The following MYH11 variants were observed in gnomAD, a reference collection of about 807,000 sequenced individuals.
The protein encoded by MYH11 is myosin heavy chain 11.
Under a neutral mutation model 246.6 loss-of-function variants are expected in MYH11, and 80 were observed. That is an observed-to-expected ratio of 0.32 (90% CI 0.27 to 0.39). The LOEUF (loss-of-function observed/expected upper bound fraction) is 0.39, where lower values mean the gene tolerates loss of function less well. Ranked by LOEUF, MYH11 falls within the 10% of genes least tolerant of loss-of-function variation. The pLI is 1.00. For synonymous variants in MYH11, 1,071 were observed against 1,015.5 expected, an observed-to-expected ratio of 1.05 and a Z score of -1.04; for missense variants, 2,158 against 2,546.8, an observed-to-expected ratio of 0.85 and a Z score of 3.29.
intron 6 of MYH11, chr16:15,779,295 T>TCTGGGATATGGTC: frequency 3.9e-6 from 1 of 255,544 alleles, no homozygotes; most frequent in Non-Finnish European, 7.6e-6. Flanking sequence ...TGCACCACCA[T>TCTGGGATATGGTC]ATCTGGCTAA....
rs1224542019 is a variant in MYH11, at chr16:15,740,174, C to T, written c.2874G>A (p.Gln958=). Residue 958 remains glutamine (Q), a synonymous_variant, in exon 23 of 41, where the codon CAG becomes CAA. Coordinates refer to ENST00000300036, the MANE Select transcript of MYH11 (RefSeq NM_002474.3). ...MAQQMLDLEE[Q]LEEEEAARQK... is the part of the protein sequence containing the mutation. ...GCCTGGCAGCTTCCTCCTCCTCCAG[C>T]TGTTCTTCAAGGTCCTTTGTTGTGG... The T allele has an allele frequency of 6.2e-7, 1 of 1,614,202 alleles. No individual in the cohort carries two copies. Among genetic ancestry groups the T allele is most frequent in the East Asian group, 2.2e-5 (1 of 44,892 alleles).
rs746080956 is a variant in MYH11 at position 15,798,714 on chromosome 16, C to T, written c.503-27G>A. Reference sequence around the variant, plus strand: ...TGCAAACAGAAAGAAGAAAAAAGAGCCATGAATTAAAATGAGCTCTGAGCT... The same window carrying T: ...TGCAAACAGAAAGAAGAAAAAAGAGTCATGAATTAAAATGAGCTCTGAGCT... On this transcript the variant is annotated intron_variant, in intron 3 of 40. Coordinates refer to ENST00000300036, the MANE Select transcript of MYH11 (RefSeq NM_002474.3). The T allele has an allele frequency of 2.2e-4, 358 of 1,612,682 alleles. 2 individuals carry two copies. In the East Asian group the frequency reaches 7.9e-3, roughly 36 times the overall value.
chr16:15,808,496 CG>C (rs1567190385), intron 3 of MYH11, among the ~76,000 whole-genome samples: 1 of 152,170 alleles, frequency 6.6e-6, no homozygotes, highest in African/African-American at 2.4e-5. Context: ...TCTACTCTCC[CG>C]GCAGAGTTGG....
At chr16:15,727,596 C>T (rs2040832904) in intron 27 of MYH11, among the ~76,000 whole-genome samples, 1 of 152,300 alleles carries the variant, frequency 6.6e-6, no homozygotes. Flanking sequence ...TTGACCCTTT[C>T]ACTACTTTTA....
At chr16:15,740,241 C>A (rs1055510694) in intron 22 of MYH11, 53 bp from the exon 23 acceptor site, 6 of 1,612,286 alleles carry the variant, frequency 3.7e-6, no homozygotes, top group Non-Finnish European at 5.1e-6. Flanking sequence ...GATTTACTCT[C>A]GTGGTGATCT....
rs746290925 is a variant in MYH11, at chr16:15,719,648, G to A, written c.5019C>T (p.Ala1673=). The A allele has an allele frequency of 2.5e-6, 4 of 1,614,150 alleles. No individual in the cohort carries two copies. Among genetic ancestry groups the A allele is most frequent in the East Asian group, 2.2e-5 (1 of 44,876 alleles). ...CTTTCTTCTCATTCTCTTTGGCTGTGGCAAAGATCTCATCTCTGGAGGCAC... is the reference window on the plus strand; with the variant it reads ...CTTTCTTCTCATTCTCTTTGGCTGTAGCAAAGATCTCATCTCTGGAGGCAC... The part of the protein sequence containing the change: ...DARASRDEIF[A]TAKENEKKAK... Residue 1673 remains alanine, a synonymous_variant, in exon 35 of 41, where the codon GCC becomes GCT. Transcript: ENST00000300036.
At chr16:15,782,894 A>G (rs1360108127) in intron 5 of MYH11, 1 of 180,444 alleles carries the variant, frequency 5.5e-6, no homozygotes, top group African/African-American at 2.4e-5. Context: ...GCCTTCTTCA[A>G]GTTAAACCAC....
intron 36 of MYH11, chr16:15,718,650 G>C: frequency 3.0e-6 from 2 of 667,314 alleles, no homozygotes; most frequent in Admixed American, 2.9e-5. Context: ...GCTGGGATTG[G>C]GATGGGGACC....
At chr16:15,815,679 T>C (rs2043246250) in intron 3 of MYH11, among the ~76,000 whole-genome samples, 1 of 152,170 alleles carries the variant, frequency 6.6e-6, no homozygotes, top group African/African-American at 2.4e-5. Context: ...ATTGGGCCAC[T>C]AAGTGTCCAG....
Position 15,837,941 on chromosome 16 carries a change from G to A in MYH11, c.312C>T (p.Asn104=), listed in dbSNP as rs370660740. The stretch of plus-strand genomic sequence containing the variant: ...GCCCTGAGAAGTACCGCTCCCTCAG[G>A]TTGTGTAGCACGGAGGCTTCGTTGA... ...TCLNEASVLH[N]LRERYFSGLI... The change falls in exon 2 of 41, where the codon AAC becomes AAT. Residue 104 remains asparagine (N), a synonymous_variant. Transcript: ENST00000300036. 5 of 1,613,958 alleles carry A rather than the reference G, an allele frequency of 3.1e-6. No individual in the cohort carries two copies. In the African/African-American group the frequency reaches 4.0e-5, roughly 13 times the overall value.
intron 4 of MYH11, chr16:15,791,359 A>C (rs2042605187): frequency 6.6e-6 from 1 of 152,188 alleles, no homozygotes; most frequent in Non-Finnish European, 1.5e-5. Flanking sequence ...CACTGGTAGG[A>C]AAGCCAAATT....
At chr16:15,845,694 G>A (rs576000461) in intron 1 of MYH11, among the ~76,000 whole-genome samples, 6 of 143,998 alleles carry the variant, frequency 4.2e-5, no homozygotes, top group African/African-American at 1.3e-4. Context: ...GCAGCAGATC[G>A]TGTGTGTGTG....
intron 9 of MYH11, among the ~76,000 whole-genome samples, chr16:15,770,013 C>T (rs1023266838): frequency 1.3e-5 from 2 of 152,030 alleles, no homozygotes; most frequent in African/African-American, 4.8e-5. Flanking sequence ...TGTAGTACAT[C>T]AAGAAAAAAG....
intron 3 of MYH11, among the ~76,000 whole-genome samples, chr16:15,812,108 C>T (rs758214546): frequency 2.0e-5 from 3 of 152,114 alleles, no homozygotes; most frequent in Admixed American, 6.6e-5. Flanking sequence ...GACAGCCTTC[C>T]GTGGGATTGA....
At chr16:15,778,689 T>C (rs767299873) in intron 7 of MYH11, 91 bp downstream of exon 7, 39 of 1,235,932 alleles carry the variant, frequency 3.2e-5, no homozygotes, top group Non-Finnish European at 4.4e-5. Flanking sequence ...GCTGGAAAGA[T>C]AGAGGTGGCT....
At chr16:15,758,977 C>A (rs1338304616) in intron 12 of MYH11, among the ~76,000 whole-genome samples, 4 of 146,150 alleles carry the variant, frequency 2.7e-5, no homozygotes, top group Middle Eastern at 3.5e-3. Context: ...AAAAAAAAAA[C>A]AAGACAAGAC....
At chr16:15,735,610 C>T (rs769768751) in intron 25 of MYH11, 32 bp from the exon 26 acceptor site, 1 of 1,612,448 alleles carries the variant, frequency 6.2e-7, no homozygotes, top group South Asian at 1.1e-5. Context: ...GAATGAACCC[C>T]CAGGTCCCTT....
chr16:15,710,519 A>G (rs1316749472), intron 40 of MYH11, among the ~76,000 whole-genome samples: 1 of 151,762 alleles, frequency 6.6e-6, no homozygotes, highest in Admixed American at 6.6e-5. Flanking sequence ...GACTCCGTCT[A>G]AAAATAAATA....
intron 23 of MYH11, 45 bp downstream of exon 23, chr16:15,740,006 T>C (rs2041226236): frequency 5.0e-6 from 8 of 1,608,392 alleles, no homozygotes; most frequent in Non-Finnish European, 5.9e-6. Flanking sequence ...CCTCCCAAAG[T>C]GCTCGGATTA....
Sources: allele counts gnomAD v4.1 joint callset (sites outside exome capture counted in the v4.1 genomes callset), GRCh38; gene constraint gnomAD v4.1.1; transcripts MANE v1.5; gene names NCBI Gene and HGNC (gene_info 2026-07-23, HGNC 2026-07-21).